The following FAM220A variants were observed in gnomAD, a reference collection of about 807,000 sequenced individuals.
FAM220A encodes the protein protein FAM220A.
For missense variants in FAM220A, 392 were observed against 321.6 expected (o/e 1.22, Z -1.68); for synonymous variants, 141 against 130.7 (o/e 1.08, Z -0.54).
Position 6,331,134 on chromosome 7 carries a change from G to A in FAM220A, c.21C>T (p.Pro7=), listed in dbSNP as rs1781625107. 4 of 1,612,870 alleles carry A rather than the reference G, an allele frequency of 2.5e-6. No individual in the cohort carries two copies. The highest frequency in any genetic ancestry group is 3.4e-6 in the Non-Finnish European group (4 of 1,179,862). MRDRRG[P]LGTCLAQVQQ... is the part of the protein sequence containing the mutation. ...GCACTTGTGCCAGGCAGGTGCCGAG[G>A]GGCCCTCTTCTGTCCCTCATGCTTC... Residue 7 remains proline (P), a synonymous_variant, in exon 2 of 2, where the codon CCC becomes CCT. Transcript: ENST00000313324.
chr7:6,348,894 A>G lies in FAM220A; in HGVS notation c.-403T>C, dbSNP rs1782008393. 2 of 387,604 alleles carry G rather than the reference A, an allele frequency of 5.2e-6. No homozygotes were observed. The highest frequency in any genetic ancestry group is 4.5e-5 in the Admixed American group (1 of 22,306). 24.0% of individuals were successfully genotyped at this position (387,604 alleles called of 1,614,324 possible). ...CCGGCGGGCGGGCGGGCCGCAGTGGAGCGGAGTCCGCACGTCACGCTCGGA... is the reference window on the plus strand; with the variant it reads ...CCGGCGGGCGGGCGGGCCGCAGTGGGGCGGAGTCCGCACGTCACGCTCGGA... On this transcript the variant is annotated 5_prime_UTR_variant, in exon 1 of 2. Transcript: ENST00000313324.
rs777509623 is a variant in FAM220A at position 6,331,131 on chromosome 7, G to A, written c.24C>T (p.Leu8=). The A allele has an allele frequency of 9.3e-6, 15 of 1,612,828 alleles. No individual in the cohort carries two copies. The highest frequency in any genetic ancestry group is 2.7e-5 in the African/African-American group (2 of 74,922). Reference sequence around the variant, plus strand: ...GCTGCACTTGTGCCAGGCAGGTGCCGAGGGGCCCTCTTCTGTCCCTCATGC... The same window carrying A: ...GCTGCACTTGTGCCAGGCAGGTGCCAAGGGGCCCTCTTCTGTCCCTCATGC... MRDRRGP[L]GTCLAQVQQA... The change falls in exon 2 of 2, where the codon CTC becomes CTT. Residue 8 remains leucine (L), a synonymous_variant. Coordinates refer to ENST00000313324, the MANE Select transcript of FAM220A (RefSeq NM_001037163.2).
Position 6,329,928 on chromosome 7 carries a change from T to C in FAM220A, c.*447A>G, listed in dbSNP as rs949707720. On this transcript the variant is annotated 3_prime_UTR_variant, in exon 2 of 2. Coordinates refer to ENST00000313324, the MANE Select transcript of FAM220A (RefSeq NM_001037163.2). ...AAAATCATTCTACAAAATGTAGACA[T>C]GGTAACAGCTTACCACGAATTCAGC... The C allele has an allele frequency of 5.2e-5, 9 of 172,054 alleles. No individual in the cohort carries two copies. Among genetic ancestry groups the C allele is most frequent in the Middle Eastern group, 3.1e-3 (1 of 326 alleles). The allele number at this position is 172,054 out of a possible 1,614,324, so 10.7% of individuals were successfully genotyped here. A position where few individuals can be genotyped will look rare whatever the true frequency, so the allele number is the denominator to read the frequency against.
intron 1 of FAM220A, among the ~76,000 whole-genome samples, chr7:6,344,499 T>C (rs1037485586): frequency 5.2e-4 from 79 of 152,090 alleles, no homozygotes; most frequent in African/African-American, 1.6e-3. Flanking sequence ...TATAGCTCAC[T>C]GCCTCCTCGA....
chr7:6,339,507 G>A (rs551302212), intron 1 of FAM220A, among the ~76,000 whole-genome samples: 397 of 150,582 alleles, frequency 2.6e-3, no homozygotes, highest in African/African-American at 8.4e-3. Context: ...TTTTTGAGAC[G>A]GAGTCTCGCT....
At chr7:6,336,578 G>A (rs1054424473) in intron 1 of FAM220A, among the ~76,000 whole-genome samples, 5 of 151,744 alleles carry the variant, frequency 3.3e-5, no homozygotes, top group African/African-American at 1.2e-4. Flanking sequence ...CTATTAGTCA[G>A]GAGGCTGAGA....
intron 1 of FAM220A, among the ~76,000 whole-genome samples, chr7:6,334,105 C>G (rs1156342233): frequency 6.6e-6 from 1 of 151,444 alleles, no homozygotes; most frequent in Non-Finnish European, 1.5e-5. Context: ...CTTGGCCTCC[C>G]AAAGTGCTGG....
At chr7:6,340,350 G>A (rs1260428228) in intron 1 of FAM220A, among the ~76,000 whole-genome samples, 1 of 152,124 alleles carries the variant, frequency 6.6e-6, no homozygotes, top group Non-Finnish European at 1.5e-5. Context: ...AGGACAAAAC[G>A]CTGCTGAGAG....
rs1321103582 is a variant in FAM220A at position 6,348,943 on chromosome 7, C to T, written c.-452G>A. 7.9e-6 allele frequency: 3 copies of T among 380,338 alleles called. No individual in the cohort carries two copies. The highest frequency in any genetic ancestry group is 4.2e-5 in the African/African-American group (2 of 47,564). 23.6% of individuals were successfully genotyped at this position (380,338 alleles called of 1,614,324 possible). The stretch of plus-strand genomic sequence containing the variant: ...GAGAAGTGCCTCCGCGAGCAGCCGC[C>T]TGTACCAGCCTGGCCGCGCAGCCTG... On this transcript the variant is annotated 5_prime_UTR_variant, in exon 1 of 2. Transcript: ENST00000313324.
At chr7:6,348,237 G>A (rs933132687) in intron 1 of FAM220A, among the ~76,000 whole-genome samples, 7 of 151,162 alleles carry the variant, frequency 4.6e-5, no homozygotes, top group African/African-American at 1.7e-4. Context: ...AAATAAGGGG[G>A]GGGGTTGCAA....
In FAM220A at chr7:6,330,499, A is replaced by G. The variant is rs1781607970; in HGVS notation, c.656T>C (p.Met219Thr). The change falls in exon 2 of 2, where the codon ATG becomes ACG. Residue 219 changes from methionine (M) to threonine (T), a missense_variant. By Grantham distance (81) the Met-to-Thr change is moderately conservative. Transcript: ENST00000313324. The stretch of plus-strand genomic sequence containing the variant: ...GAATTCTATTGTTTGCTTTGAAAAC[A>G]TGGGCTTTAAACGGTCAAGGAAAAT... ...KRIFLDRLKP[M>T]FSKQTIEFKK... 3.7e-6 allele frequency: 6 copies of G among 1,614,192 alleles called. No individual in the cohort carries two copies. The highest frequency in any genetic ancestry group is 2.2e-5 in the East Asian group (1 of 44,890).
chr7:6,334,776 G>C (rs1562445620), intron 1 of FAM220A, among the ~76,000 whole-genome samples: 1 of 144,432 alleles, frequency 6.9e-6, no homozygotes, highest in Non-Finnish European at 1.5e-5. Context: ...TGGATAGTTA[G>C]TTAGTTATTT....
chr7:6,333,176 A>C (rs1432124324), intron 1 of FAM220A, among the ~76,000 whole-genome samples: 1 of 151,888 alleles, frequency 6.6e-6, no homozygotes, highest in Non-Finnish European at 1.5e-5. Flanking sequence ...ATCAAAAAAA[A>C]AAAAACAAAA....
At chr7:6,333,439 CAGGA>C (rs1444705369) in intron 1 of FAM220A, among the ~76,000 whole-genome samples, 1 of 151,968 alleles carries the variant, frequency 6.6e-6, no homozygotes, top group African/African-American at 2.4e-5. Context: ...TTCCACAGAG[CAGGA>C]AAAAGAAAGA....
chr7:6,338,701 C>T (rs543578788), intron 1 of FAM220A: 2 of 152,548 alleles, frequency 1.3e-5, no homozygotes, highest in East Asian at 1.9e-4. Flanking sequence ...AATGGCCTGA[C>T]CTACTTAGCT....
intron 1 of FAM220A, among the ~76,000 whole-genome samples, chr7:6,339,634 C>T (rs1334344337): frequency 1.3e-5 from 2 of 151,916 alleles, no homozygotes; most frequent in Non-Finnish European, 2.9e-5. Flanking sequence ...CAGGCGCCCG[C>T]CACCACGCCT....
intron 1 of FAM220A, among the ~76,000 whole-genome samples, chr7:6,343,208 C>A (rs1781896798): frequency 6.6e-6 from 1 of 150,944 alleles, no homozygotes; most frequent in Non-Finnish European, 1.5e-5. Context: ...GAAGCCCCGT[C>A]TCTACTAAAA....
In FAM220A at chr7:6,335,838, C is replaced by T. The variant is rs183663502; in HGVS notation, c.-81-4603G>A. Among the ~76,000 whole-genome samples the T allele has an allele frequency of 8.4e-3, 1,271 of 152,090 alleles. 14 individuals carry two copies. Among genetic ancestry groups the T allele is most frequent in the African/African-American group, 0.029 (1,188 of 41,514 alleles). ...TGGCTTGAGCCCAGGGGTGTGAGACCAGCCTGGGCAACACAGCAAGACCCT... is the reference window on the plus strand; with the variant it reads ...TGGCTTGAGCCCAGGGGTGTGAGACTAGCCTGGGCAACACAGCAAGACCCT... On this transcript the variant is annotated intron_variant, in intron 1 of 1. Transcript: ENST00000313324.
At chr7:6,335,868 C>A (rs1317006127) in intron 1 of FAM220A, among the ~76,000 whole-genome samples, 1 of 151,904 alleles carries the variant, frequency 6.6e-6, no homozygotes, top group South Asian at 2.1e-4. Context: ...GACCCTGTCT[C>A]TACAAAAAAA....
Sources: allele counts gnomAD v4.1 joint callset (sites outside exome capture counted in the v4.1 genomes callset), GRCh38; gene constraint gnomAD v4.1.1; transcripts MANE v1.5; gene names NCBI Gene and HGNC (gene_info 2026-07-23, HGNC 2026-07-21).